DPP6: variants seen among roughly 807,000 people sequenced by gnomAD.
DPP6 encodes the protein A-type potassium channel modulatory protein DPP6.
In DPP6, 69 loss-of-function variants were observed where a neutral mutation model predicts 122.6. The ratio of observed to expected loss-of-function variants is 0.56; its 90% CI spans 0.46 to 0.69. The LOEUF is 0.69. Ranked by LOEUF, DPP6 falls within the 30% of genes least tolerant of loss-of-function variation. The pLI, the probability that DPP6 is intolerant of heterozygous loss-of-function variation, is 0.00. For synonymous variants in DPP6, 418 were observed against 433.1 expected (o/e 0.97, Z 0.43); for missense variants, 928 against 1,116.9 (o/e 0.83, Z 2.41).
At chr7:154,854,840 G>A (rs1002269795) in intron 17 of DPP6, among the ~76,000 whole-genome samples, 9 of 152,264 alleles carry the variant, frequency 5.9e-5, no homozygotes, top group Middle Eastern at 3.4e-3. Flanking sequence ...ACTCGCCCTC[G>A]GTCCCTCCCT....
intron 1 of DPP6, among the ~76,000 whole-genome samples, chr7:154,267,981 A>C (rs1306877077): frequency 6.6e-6 from 1 of 151,880 alleles, no homozygotes; most frequent in Non-Finnish European, 1.5e-5. Context: ...ATATGCGCAC[A>C]TACATATTTA....
rs917564748 is a variant in DPP6, at chr7:154,885,795, GC to G, written c.2245+56del. 4.8e-5 allele frequency: 57 copies of G among 1,192,916 alleles called. No individual in the cohort carries two copies. In the African/African-American group the frequency reaches 8.0e-4, roughly 17 times the overall value. 73.9% of individuals were successfully genotyped at this position (1,192,916 alleles called of 1,614,324 possible). A position where few individuals can be genotyped will look rare whatever the true frequency, so the allele number is the denominator to read the frequency against. On this transcript the variant is annotated intron_variant, in intron 22 of 25. Transcript: ENST00000377770. ...ACGGGCTCTGCTCCCGCCCCGCCCCGCCCCCTGCCTGCGTGGCCCCACAGCC... is the reference window on the plus strand; with the variant it reads ...ACGGGCTCTGCTCCCGCCCCGCCCCGCCCCTGCCTGCGTGGCCCCACAGCC...
In DPP6 at chr7:154,838,080, C is replaced by T. The variant is rs75350120; in HGVS notation, c.1667-15700C>T. On this transcript the variant is annotated intron_variant, in intron 16 of 25. Transcript: ENST00000377770. ...CCAGCAGCCACGTTAGGATGCTTCTCGGGTCCTGAGGTTTGGTTGGTGGCA... is the reference window on the plus strand; with the variant it reads ...CCAGCAGCCACGTTAGGATGCTTCTTGGGTCCTGAGGTTTGGTTGGTGGCA... 0.011 allele frequency among the ~76,000 whole-genome samples: 1,693 copies of T among 152,256 alleles called. 149 individuals carry two copies. In the East Asian group the frequency reaches 0.23, roughly 21 times the overall value.
At chr7:154,495,885 CTG>C (rs971974488) in intron 3 of DPP6, among the ~76,000 whole-genome samples, 8 of 152,154 alleles carry the variant, frequency 5.3e-5, no homozygotes, top group Non-Finnish European at 7.3e-5. Flanking sequence ...AAAAGACACA[CTG>C]AACATTTGGC....
At chr7:154,197,741 A>G (rs1019572889) in intron 1 of DPP6, among the ~76,000 whole-genome samples, 1 of 152,224 alleles carries the variant, frequency 6.6e-6, no homozygotes. Context: ...ATAAGAATCA[A>G]TAATGTTCAA....
intron 1 of DPP6, among the ~76,000 whole-genome samples, chr7:154,107,030 TA>T (rs200686488): frequency 2.3e-4 from 34 of 149,952 alleles, no homozygotes; most frequent in East Asian, 2.1e-3. Context: ...GGAGGTTCCT[TA>T]AAAAAAAAAT....
chr7:153,759,764 A>G, the DPP6 span, among the ~76,000 whole-genome samples: 2 of 152,232 alleles, frequency 1.3e-5, no homozygotes, highest in African/African-American at 2.4e-5. Flanking sequence ...CTAAAACTAG[A>G]AAAATTCTAG....
Position 154,200,044 on chromosome 7 carries a change from G to T in DPP6, c.243+146981G>T, listed in dbSNP as rs4548090. ...CCCCAGCTGCACAATGGAATTACTC[G>T]GAGCTTTTAAGAAAGAAAGAAATAA... On this transcript the variant is annotated intron_variant, in intron 1 of 25. Transcript: ENST00000377770. Among the ~76,000 whole-genome samples the T allele has an allele frequency of 4.5e-3, 691 of 152,206 alleles. 7 individuals are homozygous for T. Among genetic ancestry groups the T allele is most frequent in the African/African-American group, 0.016 (660 of 41,552 alleles).
At chr7:154,393,999 T>C (rs956417689) in intron 1 of DPP6, among the ~76,000 whole-genome samples, 2 of 152,246 alleles carry the variant, frequency 1.3e-5, no homozygotes, top group Non-Finnish European at 2.9e-5. Context: ...TTAGTCTGAA[T>C]AGTATTCCAT....
chr7:154,168,557 T>C (rs1402474399), intron 1 of DPP6, among the ~76,000 whole-genome samples: 8 of 152,220 alleles, frequency 5.3e-5, no homozygotes, highest in African/African-American at 1.9e-4. Flanking sequence ...AAGGCTGATA[T>C]GTTACCAGCA....
chr7:154,705,460 A>G (rs1419558948), intron 7 of DPP6, among the ~76,000 whole-genome samples: 2 of 152,220 alleles, frequency 1.3e-5, no homozygotes, highest in Admixed American at 6.5e-5. Flanking sequence ...CCAGGAAGAC[A>G]AATCACCCCT....
the DPP6 span, among the ~76,000 whole-genome samples, chr7:153,761,468 T>G: frequency 7.3e-5 from 11 of 151,668 alleles, no homozygotes; most frequent in African/African-American, 2.7e-4. Flanking sequence ...AATGAAAAGC[T>G]TGTCAACAAT....
chr7:154,408,552 T>C (rs1266380527), intron 1 of DPP6, among the ~76,000 whole-genome samples: 3 of 152,200 alleles, frequency 2.0e-5, no homozygotes, highest in Admixed American at 6.5e-5. Context: ...TCTCTTGTTA[T>C]TAACATTTTA....
At chr7:153,888,387 G>A (rs540950200) in intron 1 of DPP6, among the ~76,000 whole-genome samples, 1 of 152,350 alleles carries the variant, frequency 6.6e-6, no homozygotes, top group African/African-American at 2.4e-5. Context: ...GGAAGGCTCC[G>A]GGCAGCTGGC....
chr7:154,754,907 G>A (rs889072456), intron 8 of DPP6, among the ~76,000 whole-genome samples: 70 of 152,074 alleles, frequency 4.6e-4, no homozygotes, highest in Admixed American at 3.3e-4. Flanking sequence ...ATTCTCACTC[G>A]TAAGTGGGAG....
intron 1 of DPP6, among the ~76,000 whole-genome samples, chr7:154,136,566 GC>G (rs2150648797): frequency 6.6e-6 from 1 of 152,252 alleles, no homozygotes; most frequent in African/African-American, 2.4e-5. Context: ...CACATCACTT[GC>G]GAAACTCCTA....
At chr7:153,817,832 G>A in the DPP6 span, among the ~76,000 whole-genome samples, 9 of 150,810 alleles carry the variant, frequency 6.0e-5, no homozygotes, top group South Asian at 2.1e-4. Flanking sequence ...CAAGTTAATG[G>A]GTGCAGCACA....
chr7:154,874,837 A>G (rs1483187321), intron 19 of DPP6, among the ~76,000 whole-genome samples: 1 of 152,218 alleles, frequency 6.6e-6, no homozygotes, highest in African/African-American at 2.4e-5. Context: ...CCCCACACCC[A>G]TAAGTATGCT....
Position 154,621,319 on chromosome 7 carries a change from G to C in DPP6, c.628-16502G>C, listed in dbSNP as rs116427028. On this transcript the variant is annotated intron_variant, in intron 5 of 25. Transcript: ENST00000377770. ...ACCCTATGTGTAATTAGTTGACCGA[G>C]AGTCCTTTTCAACATTGATTTTGAT... Among the ~76,000 whole-genome samples, 547 of 152,250 alleles carry C rather than the reference G, an allele frequency of 3.6e-3. 4 individuals carry two copies. Among genetic ancestry groups the C allele is most frequent in the African/African-American group, 0.012 (516 of 41,538 alleles).
Sources: gnomAD v4.1 joint callset for allele counts (sites outside exome capture counted in the v4.1 genomes callset) on GRCh38, gnomAD v4.1.1 for gene constraint, MANE v1.5 for transcripts, NCBI Gene and HGNC (gene_info 2026-07-23, HGNC 2026-07-21) for gene names.